The following RALYL variants were observed in gnomAD, a reference collection of about 807,000 sequenced individuals.
RALYL encodes RNA-binding Raly-like protein.
In RALYL, 29 loss-of-function variants were observed where a neutral mutation model predicts 35.1. The observed-to-expected ratio is 0.83, with a 90% confidence interval of 0.61 to 1.13. The LOEUF (loss-of-function observed/expected upper bound fraction) is 1.13, where lower values mean the gene tolerates loss of function less well. RALYL is among the 50% of genes most tolerant of loss of function. RALYL has a pLI of 0.00. For missense variants in RALYL, 359 were observed against 360.4 expected, an observed-to-expected ratio of 1.00 and a Z score of 0.03; for synonymous variants, 120 against 127.6, an observed-to-expected ratio of 0.94 and a Z score of 0.40.
At chr8:84,741,840 T>C (rs1037509550) in intron 2 of RALYL, among the ~76,000 whole-genome samples, 2 of 152,016 alleles carry the variant, frequency 1.3e-5, no homozygotes, top group Non-Finnish European at 2.9e-5. Flanking sequence ...AGTTTTACAA[T>C]ATTCCATACT....
intron 2 of RALYL, among the ~76,000 whole-genome samples, chr8:84,610,850 C>A (rs184525428): frequency 6.6e-6 from 1 of 152,058 alleles, no homozygotes; most frequent in Non-Finnish European, 1.5e-5. Flanking sequence ...CTGTGCACTT[C>A]GACGTCTCTC....
chr8:84,222,418 C>G (rs1027394692), intron 1 of RALYL, among the ~76,000 whole-genome samples: 1 of 152,016 alleles, frequency 6.6e-6, no homozygotes, highest in Admixed American at 6.6e-5. Flanking sequence ...TAGTTTTGAG[C>G]CTGAATTAGA....
At chr8:84,870,404 C>T (rs184294710) in intron 6 of RALYL, among the ~76,000 whole-genome samples, 132 of 151,658 alleles carry the variant, frequency 8.7e-4, no homozygotes, top group African/African-American at 2.9e-3. Context: ...ATTACAGGTG[C>T]GTGCCACCAT....
chr8:84,650,640 C>T lies in RALYL; in HGVS notation c.256+121063C>T, dbSNP rs551047587. On this transcript the variant is annotated intron_variant, in intron 2 of 8. Transcript: ENST00000521268. ...CTGTTGGTGGGACTGTAAACTAGTT[C>T]AACCCTTGTGGAAGTCAGTGTGGCG... 3.3e-5 allele frequency among the ~76,000 whole-genome samples: 5 copies of T among 152,062 alleles called. No homozygotes were observed. In the East Asian group the frequency reaches 9.7e-4, roughly 30 times the overall value.
intron 2 of RALYL, among the ~76,000 whole-genome samples, chr8:84,732,683 T>TATATATATATATATATACACACACTC: frequency 7.5e-6 from 1 of 133,234 alleles, no homozygotes; most frequent in Non-Finnish European, 1.6e-5. Context: ...TATATATATA[T>TATATATATATATATATACACACACTC]ACACACACAC....
chr8:84,820,729 GT>G (rs1828342193), intron 4 of RALYL, among the ~76,000 whole-genome samples: 1 of 151,988 alleles, frequency 6.6e-6, no homozygotes, highest in South Asian at 2.1e-4. Flanking sequence ...ACAGGCCCTG[GT>G]GTGTGATGTT....
At chr8:84,283,195 GTTATGTATAAAAGAA>G (rs1836947711) in intron 1 of RALYL, among the ~76,000 whole-genome samples, 1 of 151,876 alleles carries the variant, frequency 6.6e-6, no homozygotes, top group South Asian at 2.1e-4. Context: ...ATAATGTTGA[GTTATGTATAAAAGAA>G]TTATGTGTAA....
chr8:84,299,661 A>G (rs1341363579), intron 1 of RALYL, among the ~76,000 whole-genome samples: 1 of 151,852 alleles, frequency 6.6e-6, no homozygotes, highest in African/African-American at 2.4e-5. Flanking sequence ...TATTGCTCTG[A>G]TTAGAATTTC....
chr8:84,497,740 C>G (rs1240388779), intron 1 of RALYL, among the ~76,000 whole-genome samples: 1 of 146,268 alleles, frequency 6.8e-6, no homozygotes, highest in Admixed American at 7.0e-5. Context: ...CTCCTGGGTT[C>G]AAGCGATTCT....
chr8:84,382,916 A>G (rs745875953), intron 1 of RALYL, among the ~76,000 whole-genome samples: 14 of 151,688 alleles, frequency 9.2e-5, no homozygotes, highest in Non-Finnish European at 1.8e-4. Context: ...GGCATCCAGA[A>G]TTTTCCCACT....
At chr8:84,408,430 C>T (rs1241410870) in intron 1 of RALYL, among the ~76,000 whole-genome samples, 1 of 152,156 alleles carries the variant, frequency 6.6e-6, no homozygotes, top group African/African-American at 2.4e-5. Flanking sequence ...ATATGTCATC[C>T]AGCAAAATCT....
At chr8:84,620,510 A>T (rs983927077) in intron 2 of RALYL, among the ~76,000 whole-genome samples, 1 of 152,022 alleles carries the variant, frequency 6.6e-6, no homozygotes, top group Non-Finnish European at 1.5e-5. Context: ...TTGTTTTCAA[A>T]GTTTTCAACT....
At chr8:84,720,143 T>G (rs1261307429) in intron 2 of RALYL, among the ~76,000 whole-genome samples, 1 of 151,990 alleles carries the variant, frequency 6.6e-6, no homozygotes, top group Non-Finnish European at 1.5e-5. Flanking sequence ...TGTGTTGAAA[T>G]AGAAAAAAAC....
intron 1 of RALYL, among the ~76,000 whole-genome samples, chr8:84,342,363 C>A (rs76142458): frequency 0.044 from 6,253 of 141,198 alleles, 252 homozygotes; most frequent in Non-Finnish European, 0.058. Context: ...ACACATTAAT[C>A]GTCTGTGAAG....
intron 2 of RALYL, among the ~76,000 whole-genome samples, chr8:84,612,691 T>A (rs1818579118): frequency 6.6e-6 from 1 of 151,716 alleles, no homozygotes; most frequent in Non-Finnish European, 1.5e-5. Flanking sequence ...TTTAGACAAC[T>A]CTGTGCTATT....
At chr8:84,552,111 G>A (rs2060763818) in intron 2 of RALYL, among the ~76,000 whole-genome samples, 1 of 134,788 alleles carries the variant, frequency 7.4e-6, no homozygotes, top group South Asian at 2.7e-4. Context: ...AAACTTTTAG[G>A]AGAGGAAGTT....
intron 1 of RALYL, among the ~76,000 whole-genome samples, chr8:84,507,614 GCT>G (rs1213491157): frequency 6.6e-6 from 1 of 152,102 alleles, no homozygotes; most frequent in Non-Finnish European, 1.5e-5. Context: ...GCTCCTTGTT[GCT>G]CTGTGACACA....
At chr8:84,202,565 G>A (rs1279865848) in intron 1 of RALYL, among the ~76,000 whole-genome samples, 2 of 151,762 alleles carry the variant, frequency 1.3e-5, no homozygotes, top group Non-Finnish European at 2.9e-5. Flanking sequence ...GTAGAGACGG[G>A]GTTTCACTAT....
chr8:84,748,936 A>G (rs1212343621), intron 2 of RALYL, among the ~76,000 whole-genome samples: 1 of 152,106 alleles, frequency 6.6e-6, no homozygotes, highest in African/African-American at 2.4e-5. Flanking sequence ...TGGCAACTAA[A>G]GTTCCCCTAA....
Sources: allele counts gnomAD v4.1 joint callset (sites outside exome capture counted in the v4.1 genomes callset), GRCh38; gene constraint gnomAD v4.1.1; transcripts MANE v1.5; gene names NCBI Gene and HGNC (gene_info 2026-07-23, HGNC 2026-07-21).